Variants in NEB observed in about 807,000 individuals in gnomAD.
The protein encoded by NEB is nebulin, also known as nemaline myopathy type 2.
In NEB, 512 loss-of-function variants were observed where a neutral mutation model predicts 952.2. The ratio of observed to expected loss-of-function variants is 0.54; its 90% CI spans 0.50 to 0.58. The LOEUF (loss-of-function observed/expected upper bound fraction) is 0.58. NEB is among the 20% of genes least tolerant of loss of function. The probability of loss-of-function intolerance (pLI) is 0.00; values close to 1 mark genes in which losing one functional copy is unlikely to be tolerated. For synonymous variants in NEB, 2,900 were observed against 3,149.8 expected (o/e 0.92, Z 2.66); for missense variants, 8,428 against 9,231.1 (o/e 0.91, Z 3.56).
intron 181 of NEB, chr2:151,486,217 G>C: frequency 3.2e-6 from 1 of 310,280 alleles, no homozygotes. Context: ...CTCCAAAAAA[G>C]ATAGACAAAT....
In NEB at chr2:151,697,421, C is replaced by G; in HGVS notation, c.1294G>C (p.Gly432Arg). Reference sequence around the variant, plus strand: ...TCCTCGAAGCTGCCTACATAATGTCCCAAAATATCTTTTAAGTAGGAATCT... The same window carrying G: ...TCCTCGAAGCTGCCTACATAATGTCGCAAAATATCTTTTAAGTAGGAATCT... ...YKDSYLKDILGHYVGSFEDPY... is the reference protein window; with the variant it reads ...YKDSYLKDILRHYVGSFEDPY... Residue 432 changes from glycine to arginine, a missense_variant, in exon 15 of 182, where the codon GGA becomes CGA. Physicochemically the swap from Gly to Arg is moderately radical, Grantham distance 125. Coordinates refer to ENST00000397345, the MANE Select transcript of NEB (RefSeq NM_001164508.2). The G allele has an allele frequency of 6.2e-7, 1 of 1,613,706 alleles. No individual in the cohort carries two copies. Among genetic ancestry groups the G allele is most frequent in the South Asian group, 1.1e-5 (1 of 91,046 alleles).
intron 157 of NEB, among the ~76,000 whole-genome samples, chr2:151,515,651 G>A (rs994556170): frequency 5.9e-5 from 9 of 152,190 alleles, no homozygotes; most frequent in Admixed American, 6.5e-5. Flanking sequence ...GAGGGGCTTG[G>A]AATAGATGTT....
chr2:151,489,981 G>C lies in NEB; in HGVS notation c.25394C>G (p.Ser8465Cys). The change falls in exon 181 of 182, where the codon TCT (serine) becomes TGT (cysteine). Residue 8465 changes from serine (S) to cysteine (C), a missense_variant. Coordinates refer to ENST00000397345, the MANE Select transcript of NEB (RefSeq NM_001164508.2). Reference protein sequence around the residue: ...TTVSSIPSHPSTAGKIFRAMY... With the variant: ...TTVSSIPSHPCTAGKIFRAMY... ...TTGTTATTCACTTACTCCAGCAGTA[G>C]ATGGATGAGATGGGATGGAAGATAC... 6.3e-7 allele frequency: 1 copy of C among 1,595,704 alleles called. No homozygotes were observed. Among genetic ancestry groups the C allele is most frequent in the Non-Finnish European group, 8.6e-7 (1 of 1,163,306 alleles).
chr2:151,698,668 C>T (rs1206151479), intron 13 of NEB, among the ~76,000 whole-genome samples: 3 of 139,442 alleles, frequency 2.2e-5, no homozygotes, highest in South Asian at 2.3e-4. Context: ...GATGGAGTCT[C>T]CCTCTGTTGC....
rs1438990571 is a variant in NEB at position 151,615,999 on chromosome 2, T to G, written c.11289+3A>C. 1 of 1,604,338 alleles carries G rather than the reference T, an allele frequency of 6.2e-7. No homozygotes were observed. Among genetic ancestry groups the G allele is most frequent in the African/African-American group, 1.3e-5 (1 of 74,710 alleles). ...AAATGGCTTTTCCAAAACATCCACT[T>G]ACATCACTAGCAATATCTCTTGAAG... On this transcript the variant is annotated splice_donor_region_variant and intron_variant, in intron 76 of 181. Coordinates refer to ENST00000397345, the MANE Select transcript of NEB (RefSeq NM_001164508.2).
intron 65 of NEB, among the ~76,000 whole-genome samples, chr2:151,632,454 T>G (rs1421316996): frequency 2.0e-5 from 3 of 151,882 alleles, no homozygotes; most frequent in Non-Finnish European, 4.4e-5. Flanking sequence ...GGGGGGCAGA[T>G]CACCTGAGGT....
In NEB at chr2:151,690,791, A is replaced by T. The variant is rs2099542713; in HGVS notation, c.2246T>A (p.Phe749Tyr). The T allele has an allele frequency of 6.3e-7, 1 of 1,596,848 alleles. No individual in the cohort carries two copies. Among genetic ancestry groups the T allele is most frequent in the African/African-American group, 1.3e-5 (1 of 74,852 alleles). ...TYKVHPDKTKFTAVTDSPVLL... is the reference protein window; with the variant it reads ...TYKVHPDKTKYTAVTDSPVLL... ...TACAGGAGAATCAGTGACTGCCGTG[A>T]ATTTGGTCTTATCTGGATGAACTTT... is the stretch of plus-strand genomic sequence containing the variant. Residue 749 changes from phenylalanine (F) to tyrosine (Y), a missense_variant, in exon 24 of 182, where the codon TTC becomes TAC. Transcript: ENST00000397345.
At chr2:151,680,644 T>C in intron 30 of NEB, 86 bp downstream of exon 30, 2 of 992,864 alleles carry the variant, frequency 2.0e-6, no homozygotes, top group Non-Finnish European at 3.0e-6. Context: ...TATTGTATAA[T>C]AACTAGAGGT....
At chr2:151,652,937 T>A (rs1188265463) in intron 52 of NEB, among the ~76,000 whole-genome samples, 1 of 152,200 alleles carries the variant, frequency 6.6e-6, no homozygotes, top group Non-Finnish European at 1.5e-5. Flanking sequence ...TTTAGGCTTA[T>A]CACCTCATTG....
intron 119 of NEB, 35 bp downstream of exon 119, chr2:151,563,571 G>T (rs377434935): frequency 9.7e-6 from 15 of 1,548,046 alleles, no homozygotes; most frequent in Non-Finnish European, 1.2e-5. Context: ...CACTTATGGG[G>T]CACAAATCCC....
intron 76 of NEB, 148 bp downstream of exon 76, chr2:151,615,854 T>C: frequency 1.5e-6 from 1 of 646,516 alleles, no homozygotes; most frequent in Non-Finnish European, 2.7e-6. Context: ...CTTTTCTTTT[T>C]TTCCATTTAC....
chr2:151,694,918 T>C (rs2099585327), intron 18 of NEB, among the ~76,000 whole-genome samples: 1 of 152,212 alleles, frequency 6.6e-6, no homozygotes, highest in Non-Finnish European at 1.5e-5. Context: ...GTAGCACATA[T>C]ATTCTACAGT....
chr2:151,554,062 A>G, intron 125 of NEB, 37 bp from the exon 126 acceptor site: 2 of 1,603,108 alleles, frequency 1.2e-6, no homozygotes, highest in South Asian at 1.1e-5. Context: ...TATACAGGAA[A>G]TTGTGCCAAG....
intron 32 of NEB, 61 bp downstream of exon 32, chr2:151,679,660 G>GC: frequency 4.4e-6 from 3 of 682,638 alleles, no homozygotes; most frequent in Non-Finnish European, 5.5e-6. Context: ...GTCATCGTCA[G>GC]ACCCCAAGCC....
In NEB at chr2:151,514,933, T is replaced by C. The variant is rs2076768287; in HGVS notation, c.22906-5A>G. On this transcript the variant is annotated splice_region_variant and splice_polypyrimidine_tract_variant and intron_variant, in intron 157 of 181. Coordinates refer to ENST00000397345, the MANE Select transcript of NEB (RefSeq NM_001164508.2). ...ATAATCTTTCCTATATTCTTTCTAA[T>C]GTAAGTAGGAAGGAAAGACAAGTTA... 6.5e-7 allele frequency: 1 copy of C among 1,527,204 alleles called. No homozygotes were observed. The highest frequency in any genetic ancestry group is 1.4e-5 in the African/African-American group (1 of 72,852). The allele number at this position is 1,527,204 out of a possible 1,614,324, so 94.6% of individuals were successfully genotyped here. A position where few individuals can be genotyped will look rare whatever the true frequency, so the allele number is the denominator to read the frequency against.
At chr2:151,550,947 A>AATAATTATTATT (rs1553725130) in intron 129 of NEB, among the ~76,000 whole-genome samples, 2 of 138,890 alleles carry the variant, frequency 1.4e-5, no homozygotes, top group African/African-American at 5.4e-5. Context: ...GCCTGGCCAA[A>AATAATTATTATT]ATTATTATTA....
At chr2:151,509,746 G>C (rs2072555725) in intron 161 of NEB, among the ~76,000 whole-genome samples, 1 of 152,142 alleles carries the variant, frequency 6.6e-6, no homozygotes, top group Non-Finnish European at 1.5e-5. Context: ...TCCTGCCTCA[G>C]GCTTCCGAGT....
chr2:151,678,509 A>C (rs2099390018), intron 32 of NEB, among the ~76,000 whole-genome samples: 1 of 152,248 alleles, frequency 6.6e-6, no homozygotes. Context: ...GAGAAAAATG[A>C]AAAGATAAAT....
At chr2:151,532,675 C>T (rs2091925241) in intron 143 of NEB, among the ~76,000 whole-genome samples, 3 of 151,442 alleles carry the variant, frequency 2.0e-5, no homozygotes, top group African/African-American at 7.3e-5. Context: ...GCTTAACCTC[C>T]TCATTTCACA....
Sources: gnomAD v4.1 joint callset for allele counts (sites outside exome capture counted in the v4.1 genomes callset) on GRCh38, gnomAD v4.1.1 for gene constraint, MANE v1.5 for transcripts, NCBI Gene and HGNC (gene_info 2026-07-23, HGNC 2026-07-21) for gene names.